Variants in NXPH2 observed in about 807,000 individuals in gnomAD.
The protein encoded by NXPH2 is neurexophilin-2.
In NXPH2, 5 loss-of-function variants were observed where a neutral mutation model predicts 19.8. That is an observed-to-expected ratio of 0.25 (90% confidence interval 0.13 to 0.53). The LOEUF (loss-of-function observed/expected upper bound fraction) is 0.53, where lower values mean the gene tolerates loss of function less well. NXPH2 is among the 20% of genes least tolerant of loss of function. The pLI, the probability that NXPH2 is intolerant of heterozygous loss-of-function variation, is 0.96. For missense variants in NXPH2, 289 were observed against 322.8 expected, an observed-to-expected ratio of 0.90 and a Z score of 0.80; for synonymous variants, 154 against 127.4, an observed-to-expected ratio of 1.21 and a Z score of -1.41.
At position 138,730,172 on chromosome 2, in the gene NXPH2, C is replaced by T. The variant is rs1011548564; in HGVS notation, c.51+50019G>A. Among the ~76,000 whole-genome samples the T allele has an allele frequency of 3.3e-5, 5 of 150,884 alleles. No individual in the cohort carries two copies. The East Asian group carries it at 1.0e-3, about 30-fold the overall frequency. ...CCCATATGACATATGACTTTTTAAC[C>T]TAAAGTTCCCCCACCCCACCCTTTT... On this transcript the variant is annotated intron_variant, in intron 1 of 1. Coordinates refer to ENST00000272641, the MANE Select transcript of NXPH2 (RefSeq NM_007226.3).
chr2:138,707,468 C>T (rs1253674032), intron 1 of NXPH2, among the ~76,000 whole-genome samples: 2 of 152,122 alleles, frequency 1.3e-5, no homozygotes, highest in Non-Finnish European at 2.9e-5. Flanking sequence ...GCTTCTACTA[C>T]ACTGTGAGTT....
chr2:138,695,212 C>T (rs1001315779), intron 1 of NXPH2, among the ~76,000 whole-genome samples: 1 of 152,008 alleles, frequency 6.6e-6, no homozygotes, highest in Non-Finnish European at 1.5e-5. Context: ...AAAAGAATTC[C>T]AAATCGATAT....
rs999428960 is a variant in NXPH2 at position 138,747,559 on chromosome 2, C to A, written c.51+32632G>T. Among the ~76,000 whole-genome samples the A allele has an allele frequency of 2.6e-5, 4 of 152,154 alleles. No individual in the cohort carries two copies. In the East Asian group the frequency reaches 7.7e-4, roughly 29 times the overall value. The stretch of plus-strand genomic sequence containing the variant: ...TAATGGATATCTCTAGAAAATGGCA[C>A]CCTTGTAACATTGGAGGTTCTGCTA... On this transcript the variant is annotated intron_variant, in intron 1 of 1. Transcript: ENST00000272641.
At chr2:138,703,666 A>G (rs535916816) in intron 1 of NXPH2, among the ~76,000 whole-genome samples, 1 of 152,336 alleles carries the variant, frequency 6.6e-6, no homozygotes, top group African/African-American at 2.4e-5. Flanking sequence ...TTCAGTTACA[A>G]TGTTTGGGAC....
At chr2:138,698,863 T>G (rs1573958307) in intron 1 of NXPH2, among the ~76,000 whole-genome samples, 1 of 151,952 alleles carries the variant, frequency 6.6e-6, no homozygotes, top group South Asian at 2.1e-4. Context: ...CTAAAGTAAA[T>G]AAAGAAAGAA....
At chr2:138,746,781 G>T (rs920467948) in intron 1 of NXPH2, among the ~76,000 whole-genome samples, 1 of 152,120 alleles carries the variant, frequency 6.6e-6, no homozygotes, top group Non-Finnish European at 1.5e-5. Context: ...GAATTCTGCT[G>T]TTGGTGTTGT....
intron 1 of NXPH2, among the ~76,000 whole-genome samples, chr2:138,738,060 C>T (rs1375510353): frequency 6.6e-6 from 1 of 150,932 alleles, no homozygotes; most frequent in Non-Finnish European, 1.5e-5. Flanking sequence ...AATGCTATCC[C>T]TACCCCTCCC....
chr2:138,777,153 C>A (rs1682275934), intron 1 of NXPH2, among the ~76,000 whole-genome samples: 1 of 151,990 alleles, frequency 6.6e-6, no homozygotes, highest in African/African-American at 2.4e-5. Context: ...TACAAATCAT[C>A]ATGCAAATCT....
intron 1 of NXPH2, among the ~76,000 whole-genome samples, chr2:138,745,490 TG>T (rs1681711281): frequency 5.2e-5 from 1 of 19,122 alleles, no homozygotes; most frequent in African/African-American, 1.3e-4. Context: ...CTTCTTTTTT[TG>T]GCGGGGGGGG....
chr2:138,707,860 G>T (rs1681041554), intron 1 of NXPH2, among the ~76,000 whole-genome samples: 1 of 152,004 alleles, frequency 6.6e-6, no homozygotes, highest in Non-Finnish European at 1.5e-5. Flanking sequence ...CAGCCAATAG[G>T]TCCCTCTCTC....
At chr2:138,713,595 T>TTC (rs139074916) in intron 1 of NXPH2, among the ~76,000 whole-genome samples, 35,685 of 149,354 alleles carry the variant, frequency 0.24, 4,767 homozygotes, top group East Asian at 0.5. Flanking sequence ...GTAGAAAACG[T>TTC]TCTGTGTGTG....
chr2:138,680,285 G>A (rs976817185), intron 1 of NXPH2, among the ~76,000 whole-genome samples: 2 of 152,172 alleles, frequency 1.3e-5, no homozygotes, highest in African/African-American at 2.4e-5. Flanking sequence ...GATGAAGGAG[G>A]CTGCAAAGTG....
intron 1 of NXPH2, among the ~76,000 whole-genome samples, chr2:138,690,899 A>T (rs1197917260): frequency 1.3e-5 from 2 of 152,262 alleles, no homozygotes; most frequent in African/African-American, 4.8e-5. Flanking sequence ...CACGAGATGC[A>T]CCAGAGAATA....
intron 1 of NXPH2, among the ~76,000 whole-genome samples, chr2:138,715,484 A>C (rs1681182493): frequency 6.6e-6 from 1 of 152,206 alleles, no homozygotes; most frequent in Non-Finnish European, 1.5e-5. Context: ...GTGAATTATA[A>C]CAAAGTGAAC....
chr2:138,752,802 G>A (rs1158863692), intron 1 of NXPH2, among the ~76,000 whole-genome samples: 2 of 152,014 alleles, frequency 1.3e-5, no homozygotes, highest in Admixed American at 6.6e-5. Context: ...GAGGAATGCT[G>A]GTCAGGTTTT....
At chr2:138,683,338 A>C (rs1680604703) in intron 1 of NXPH2, among the ~76,000 whole-genome samples, 1 of 152,180 alleles carries the variant, frequency 6.6e-6, no homozygotes, top group Admixed American at 6.5e-5. Flanking sequence ...GAGAGACAAC[A>C]TGAATCTATG....
chr2:138,771,476 TAA>T (rs56296863), intron 1 of NXPH2, among the ~76,000 whole-genome samples: 278 of 141,660 alleles, frequency 2.0e-3, no homozygotes, highest in Middle Eastern at 7.4e-3. Context: ...TGAGTAGTAC[TAA>T]AAAAAAAAAA....
chr2:138,690,284 C>T (rs2104975310), intron 1 of NXPH2, among the ~76,000 whole-genome samples: 1 of 152,274 alleles, frequency 6.6e-6, no homozygotes, highest in East Asian at 1.9e-4. Context: ...TTGTGTACCT[C>T]TGTTCCTCCA....
At chr2:138,770,546 T>G (rs371981999) in intron 1 of NXPH2, among the ~76,000 whole-genome samples, 1 of 151,904 alleles carries the variant, frequency 6.6e-6, no homozygotes, top group Non-Finnish European at 1.5e-5. Flanking sequence ...ATAAGATTAT[T>G]TGCAGATGAT....
Sources: gnomAD v4.1 joint callset for allele counts (sites outside exome capture counted in the v4.1 genomes callset) on GRCh38, gnomAD v4.1.1 for gene constraint, MANE v1.5 for transcripts, NCBI Gene and HGNC (gene_info 2026-07-23, HGNC 2026-07-21) for gene names.